The following AK8 variants were observed in gnomAD, a reference collection of about 807,000 sequenced individuals.
AK8 encodes ATP-AMP transphosphorylase 8.
In AK8, 44 loss-of-function variants were observed where a neutral mutation model predicts 54.6. That is an observed-to-expected ratio of 0.81 (90% CI 0.63 to 1.04). AK8 has a LOEUF of 1.04. Among genes scored for constraint, AK8 ranks in the 50% least tolerant of loss-of-function variants. AK8 has a pLI of 0.00. For missense variants in AK8, 555 were observed against 613.6 expected (o/e 0.90, Z 1.01); for synonymous variants, 239 against 245.6 (o/e 0.97, Z 0.25).
chr9:132,769,424 C>T (rs1397336634), intron 11 of AK8: 1 of 152,230 alleles, frequency 6.6e-6, no homozygotes, highest in Admixed American at 6.5e-5. Context: ...ATGGAACCCT[C>T]TCTGAACACT....
intron 11 of AK8, among the ~76,000 whole-genome samples, chr9:132,762,628 CAT>C (rs1360287159): frequency 1.3e-5 from 2 of 152,078 alleles, no homozygotes; most frequent in African/African-American, 4.8e-5. Flanking sequence ...TGGATAGCCA[CAT>C]AGAAAACGGA....
At chr9:132,776,899 G>C (rs564062460) in intron 11 of AK8, among the ~76,000 whole-genome samples, 5 of 152,150 alleles carry the variant, frequency 3.3e-5, no homozygotes, top group African/African-American at 1.2e-4. Context: ...CCATACTTGG[G>C]GCCAAGTTCT....
intron 11 of AK8, among the ~76,000 whole-genome samples, chr9:132,741,701 C>T (rs1479255384): frequency 6.6e-6 from 1 of 152,112 alleles, no homozygotes; most frequent in African/African-American, 2.4e-5. Flanking sequence ...GAGTCTAATT[C>T]AATGGATTTA....
At chr9:132,804,532 G>A (rs1415470225) in intron 10 of AK8, among the ~76,000 whole-genome samples, 1 of 151,770 alleles carries the variant, frequency 6.6e-6, no homozygotes, top group Non-Finnish European at 1.5e-5. Flanking sequence ...CCTGCCTCCC[G>A]CATCCCCTGG....
At chr9:132,834,371 CAT>C (rs1842232499) in intron 5 of AK8, among the ~76,000 whole-genome samples, 1 of 152,154 alleles carries the variant, frequency 6.6e-6, no homozygotes, top group South Asian at 2.1e-4. Flanking sequence ...TATACAAAAA[CAT>C]AAAAACCTTA....
At chr9:132,760,799 T>C (rs1480095894) in intron 11 of AK8, among the ~76,000 whole-genome samples, 4 of 152,214 alleles carry the variant, frequency 2.6e-5, no homozygotes, top group African/African-American at 4.8e-5. Flanking sequence ...TTTAATTTTA[T>C]CCAATGCTTT....
At chr9:132,874,968 A>T in intron 2 of AK8, 147 bp downstream of exon 2, 2 of 1,020,652 alleles carry the variant, frequency 2.0e-6, no homozygotes, top group Non-Finnish European at 2.9e-6. Context: ...AGACACAGGT[A>T]GGACAGAATG....
chr9:132,761,987 A>C (rs964775989), intron 11 of AK8, among the ~76,000 whole-genome samples: 1 of 152,088 alleles, frequency 6.6e-6, no homozygotes, highest in African/African-American at 2.4e-5. Flanking sequence ...CTTGTGTCTC[A>C]GCCTCCCGAG....
In AK8 at chr9:132,827,704, G is replaced by A. The variant is rs75078445; in HGVS notation, c.556+309C>T. 2.0e-3 allele frequency: 789 copies of A among 388,282 alleles called. 8 individuals carry two copies. Among genetic ancestry groups the A allele is most frequent in the African/African-American group, 0.014 (686 of 48,614 alleles). The allele number at this position is 388,282 out of a possible 1,614,324, so 24.1% of individuals were successfully genotyped here. On this transcript the variant is annotated intron_variant, in intron 7 of 12. Coordinates refer to ENST00000298545, the MANE Select transcript of AK8 (RefSeq NM_152572.3). ...GGGGGCACATAATTTGTCCCAGGGAGAGGCAGACATGTCCCCTGGCTCCTG... is the reference window on the plus strand; with the variant it reads ...GGGGGCACATAATTTGTCCCAGGGAAAGGCAGACATGTCCCCTGGCTCCTG...
rs188154641 is a variant in AK8, at chr9:132,870,404, T to G, written c.170-3451A>C. On this transcript the variant is annotated intron_variant, in intron 2 of 12. Transcript: ENST00000298545. Reference sequence around the variant, plus strand: ...ACTTCAAAGGAAATCAAAAAACCTTTCCATCCACAGATCCTTTTGAGGTTT... The same window carrying G: ...ACTTCAAAGGAAATCAAAAAACCTTGCCATCCACAGATCCTTTTGAGGTTT... Among the ~76,000 whole-genome samples, 119 of 152,344 alleles carry G rather than the reference T, an allele frequency of 7.8e-4. 1 individual carries two copies. Among genetic ancestry groups the G allele is most frequent in the East Asian group, 7.7e-4 (4 of 5,190 alleles).
At position 132,799,869 on chromosome 9, in the gene AK8, G is replaced by A. The variant is rs1018754680; in HGVS notation, c.980-7094C>T. Reference sequence around the variant, plus strand: ...GATGAGCATCAGTGTTCATGGGGGAGGCTGGCATTTGCTTCTCTTTCTCCT... The same window carrying A: ...GATGAGCATCAGTGTTCATGGGGGAAGCTGGCATTTGCTTCTCTTTCTCCT... On this transcript the variant is annotated intron_variant, in intron 10 of 12. Transcript: ENST00000298545. This position sits in a 1 kb window ranked among gnomAD's most constrained non-coding sequence, Gnocchi z 5.0. Among the ~76,000 whole-genome samples the A allele has an allele frequency of 6.6e-6, 1 of 152,132 alleles. No individual in the cohort carries two copies. The highest frequency in any genetic ancestry group is 2.4e-5 in the African/African-American group (1 of 41,414).
intron 10 of AK8, among the ~76,000 whole-genome samples, chr9:132,800,618 C>T (rs1840400179): frequency 6.6e-6 from 1 of 152,190 alleles, no homozygotes; most frequent in Non-Finnish European, 1.5e-5. Flanking sequence ...ACTCTAATAT[C>T]TCTACTGCTT....
chr9:132,767,291 C>T (rs1838764316), intron 11 of AK8, among the ~76,000 whole-genome samples: 1 of 152,040 alleles, frequency 6.6e-6, no homozygotes, highest in African/African-American at 2.4e-5. Context: ...AAAAAATGGG[C>T]AAATGATCTG....
intron 5 of AK8, among the ~76,000 whole-genome samples, chr9:132,829,508 C>T (rs1195630674): frequency 6.6e-6 from 1 of 152,032 alleles, no homozygotes; most frequent in Non-Finnish European, 1.5e-5. Context: ...AAGACAGTTT[C>T]TGAGAGATTC....
At chr9:132,808,196 C>A (rs1214088357) in intron 10 of AK8, among the ~76,000 whole-genome samples, 1 of 152,138 alleles carries the variant, frequency 6.6e-6, no homozygotes, top group East Asian at 1.9e-4. Context: ...ATGATTTAAG[C>A]TCGACCCTGT....
At chr9:132,812,363 T>C (rs1450497504) in intron 10 of AK8, among the ~76,000 whole-genome samples, 2 of 151,430 alleles carry the variant, frequency 1.3e-5, no homozygotes, top group African/African-American at 4.9e-5. Context: ...CCCGAGTAGC[T>C]GGGACTACAG....
chr9:132,837,827 C>T lies in AK8; in HGVS notation c.403-9101G>A, dbSNP rs988471570. On this transcript the variant is annotated intron_variant, in intron 5 of 12. Transcript: ENST00000298545. This position sits in a 1 kb window ranked among gnomAD's most constrained non-coding sequence, Gnocchi z 4.3. ...GGAGGTGTGCTCACTGTGCTGTGCCCGGCACCTCACCAAGCCCTCAGAAGC... is the reference window on the plus strand; with the variant it reads ...GGAGGTGTGCTCACTGTGCTGTGCCTGGCACCTCACCAAGCCCTCAGAAGC... 2.0e-5 allele frequency among the ~76,000 whole-genome samples: 3 copies of T among 152,160 alleles called. No homozygotes were observed. The highest frequency in any genetic ancestry group is 4.1e-4 in the South Asian group (2 of 4,834).
At chr9:132,832,797 T>C (rs931198938) in intron 5 of AK8, among the ~76,000 whole-genome samples, 3 of 152,178 alleles carry the variant, frequency 2.0e-5, no homozygotes, top group Non-Finnish European at 4.4e-5. Flanking sequence ...ACAGGAAAAG[T>C]GCAGCAAAAT....
At chr9:132,842,752 C>G in intron 5 of AK8, among the ~76,000 whole-genome samples, 1 of 152,252 alleles carries the variant, frequency 6.6e-6, no homozygotes, top group East Asian at 1.9e-4. Context: ...GTGTTCCCAT[C>G]TGGAGGCTTG....
Sources: gnomAD v4.1 joint callset for allele counts (sites outside exome capture counted in the v4.1 genomes callset) on GRCh38, gnomAD v4.1.1 for gene constraint, Gnocchi (gnomAD v3.1) non-coding constraint, MANE v1.5 for transcripts, NCBI Gene and HGNC (gene_info 2026-07-23, HGNC 2026-07-21) for gene names.